TMEM39A: variants seen among roughly 807,000 people sequenced by gnomAD.
TMEM39A encodes suppressor of SQST-1 aggregates in rpl-43 mutants.
A neutral mutation model predicts 51.9 loss-of-function variants in TMEM39A; 19 were observed. The ratio of observed to expected loss-of-function variants is 0.37; its 90% CI spans 0.26 to 0.54. The LOEUF is 0.54. Among genes scored for constraint, TMEM39A ranks in the 20% least tolerant of loss-of-function variants. TMEM39A has a pLI of 0.88. For missense variants in TMEM39A, 433 were observed against 590.5 expected (o/e 0.73, Z 2.76); for synonymous variants, 197 against 220.2 (o/e 0.89, Z 0.93).
chr3:119,437,108 G>A (rs2080980095), intron 6 of TMEM39A, 130 bp from the exon 7 acceptor site: 8 of 758,234 alleles, frequency 1.1e-5, no homozygotes, highest in Admixed American at 6.1e-5. Context: ...CCTGCTGTCC[G>A]TGCAGAAAAG....
intron 4 of TMEM39A, among the ~76,000 whole-genome samples, chr3:119,451,973 A>G (rs1188956259): frequency 6.6e-6 from 1 of 152,180 alleles, no homozygotes; most frequent in Non-Finnish European, 1.5e-5. Context: ...TCTTCAGATT[A>G]ATCCTATACG....
intron 5 of TMEM39A, among the ~76,000 whole-genome samples, chr3:119,439,829 G>A (rs1195926844): frequency 1.3e-5 from 2 of 151,834 alleles, no homozygotes; most frequent in African/African-American, 2.4e-5. Context: ...GTACAGTAGC[G>A]AGATTACGGC....
intron 5 of TMEM39A, among the ~76,000 whole-genome samples, chr3:119,443,067 A>T (rs2081076468): frequency 6.7e-6 from 1 of 149,498 alleles, no homozygotes; most frequent in African/African-American, 2.4e-5. Context: ...CTGTCTCAAA[A>T]AAAAAAAAAA....
chr3:119,435,426 A>ATC (rs2080955278), intron 7 of TMEM39A: 1 of 978,286 alleles, frequency 1.0e-6, no homozygotes, highest in Non-Finnish European at 1.2e-6. Context: ...ACAGCGATAC[A>ATC]TCTCACACAC....
chr3:119,431,951 C>A lies in TMEM39A; in HGVS notation c.*30G>T. On this transcript the variant is annotated 3_prime_UTR_variant, in exon 9 of 9. Transcript: ENST00000319172. ...ATAGAACGTATGAAAATATTTTTAT[C>A]TGAGTTCTCCCTCATTGTTGAGAGG... The A allele has an allele frequency of 7.2e-7, 1 of 1,394,610 alleles. No homozygotes were observed. The highest frequency in any genetic ancestry group is 1.5e-5 in the South Asian group (1 of 66,052). The allele number at this position is 1,394,610 out of a possible 1,614,324, so 86.4% of individuals were successfully genotyped here. A position where few individuals can be genotyped will look rare whatever the true frequency, so the allele number is the denominator to read the frequency against.
intron 7 of TMEM39A, chr3:119,435,532 A>C (rs1034458060): frequency 2.0e-6 from 2 of 985,064 alleles, no homozygotes; most frequent in African/African-American, 3.5e-5. Flanking sequence ...TCTTTCCAGC[A>C]TAATGGAGTT....
intron 5 of TMEM39A, among the ~76,000 whole-genome samples, chr3:119,443,162 G>T (rs1035712355): frequency 6.7e-6 from 1 of 150,220 alleles, no homozygotes; most frequent in Non-Finnish European, 1.5e-5. Flanking sequence ...TTATGGATAA[G>T]AAAGTTGTTT....
Position 119,447,164 on chromosome 3 carries a change from C to G in TMEM39A, c.429G>C (p.Lys143Asn), listed in dbSNP as rs2081138693. Reference sequence around the variant, plus strand: ...AGTGAATCATTGATGCTGCACCTGCCTTAGTAGCCTGAAAGTTTGGAAGCA... The same window carrying G: ...AGTGAATCATTGATGCTGCACCTGCGTTAGTAGCCTGAAAGTTTGGAAGCA... ...LVWALISEAT[K>N]AGAASMIHYM... Residue 143 changes from lysine (K) to asparagine (N), a missense_variant, in exon 5 of 9, where the codon AAG becomes AAC. Lys to Asn is a moderately conservative substitution (Grantham distance 94, BLOSUM62 0). Coordinates refer to ENST00000319172, the MANE Select transcript of TMEM39A (RefSeq NM_018266.3). 1.2e-6 allele frequency: 2 copies of G among 1,608,350 alleles called. No homozygotes were observed. Among genetic ancestry groups the G allele is most frequent in the African/African-American group, 2.7e-5 (2 of 74,642 alleles).
chr3:119,431,929 G>T lies in TMEM39A; in HGVS notation c.*52C>A. The T allele has an allele frequency of 1.7e-6, 2 of 1,181,976 alleles. No homozygotes were observed. Among genetic ancestry groups the T allele is most frequent in the African/African-American group, 1.6e-5 (1 of 63,886 alleles). 73.2% of individuals were successfully genotyped at this position (1,181,976 alleles called of 1,614,324 possible). A position where few individuals can be genotyped will look rare whatever the true frequency, so the allele number is the denominator to read the frequency against. On this transcript the variant is annotated 3_prime_UTR_variant, in exon 9 of 9. Coordinates refer to ENST00000319172, the MANE Select transcript of TMEM39A (RefSeq NM_018266.3). ...TTATAAAAATCACAAGAAAAAAATA[G>T]AACGTATGAAAATATTTTTATCTGA...
At chr3:119,452,633 T>C in intron 3 of TMEM39A, 103 bp from the exon 4 acceptor site, 1 of 808,544 alleles carries the variant, frequency 1.2e-6, no homozygotes, top group Non-Finnish European at 2.0e-6. Context: ...CTTCCTTAGA[T>C]CACCACACCC....
At chr3:119,439,656 T>C (rs2081024172) in intron 5 of TMEM39A, among the ~76,000 whole-genome samples, 1 of 152,130 alleles carries the variant, frequency 6.6e-6, no homozygotes, top group Non-Finnish European at 1.5e-5. Context: ...CATAGTTTTC[T>C]ACAGAGGGAG....
intron 5 of TMEM39A, among the ~76,000 whole-genome samples, chr3:119,439,972 T>C (rs1214441074): frequency 2.0e-5 from 3 of 152,192 alleles, no homozygotes; most frequent in Non-Finnish European, 4.4e-5. Flanking sequence ...CTCCCTATGT[T>C]GCTCAGGCTG....
intron 4 of TMEM39A, among the ~76,000 whole-genome samples, chr3:119,447,718 G>A (rs370527057): frequency 1.5e-4 from 23 of 152,102 alleles, no homozygotes; most frequent in East Asian, 7.7e-4. Context: ...TCTGCCTCCT[G>A]GGTTCAAGCG....
chr3:119,445,819 G>A (rs1318815811), intron 5 of TMEM39A, among the ~76,000 whole-genome samples: 2 of 152,226 alleles, frequency 1.3e-5, no homozygotes, highest in Non-Finnish European at 2.9e-5. Context: ...ACTGGTGATA[G>A]CTGTAAAATT....
Position 119,434,772 on chromosome 3 carries a change from G to A in TMEM39A, c.1223C>T (p.Ala408Val), listed in dbSNP as rs1282089676. ...NVAVPSDVSH[A>V]RFYFLFHRPL... The stretch of plus-strand genomic sequence containing the variant: ...ATAAGCGGTACTTGCATAAAAGCGG[G>A]CATGAGATACATCTGAAGGCACTGC... The change falls in exon 8 of 9, where the codon GCC becomes GTC. Residue 408 changes from alanine (A) to valine (V), a missense_variant. This residue lies in a region of TMEM39A where 223 missense variants were observed against 328.1 expected (regional missense o/e 0.68). Transcript: ENST00000319172. 6.2e-7 allele frequency: 1 copy of A among 1,613,546 alleles called. No homozygotes were observed. The highest frequency in any genetic ancestry group is 1.7e-5 in the Admixed American group (1 of 59,998).
At chr3:119,437,088 C>T in intron 6 of TMEM39A, 110 bp from the exon 7 acceptor site, 1 of 955,182 alleles carries the variant, frequency 1.0e-6, no homozygotes, top group East Asian at 2.6e-5. Context: ...GTCACACATG[C>T]ACTGGTGGTC....
chr3:119,462,504 T>C (rs946698400), intron 1 of TMEM39A, among the ~76,000 whole-genome samples: 2 of 152,060 alleles, frequency 1.3e-5, no homozygotes, highest in Non-Finnish European at 2.9e-5. Context: ...TATAGAAGAA[T>C]TGGCACTTTA....
chr3:119,455,551 T>C (rs1161419818), intron 3 of TMEM39A, among the ~76,000 whole-genome samples: 1 of 152,206 alleles, frequency 6.6e-6, no homozygotes, highest in African/African-American at 2.4e-5. Context: ...AGGCATCATA[T>C]AAAACTTGAA....
intron 3 of TMEM39A, among the ~76,000 whole-genome samples, chr3:119,455,115 G>A (rs1341133549): frequency 6.6e-6 from 1 of 152,172 alleles, no homozygotes; most frequent in Non-Finnish European, 1.5e-5. Context: ...AAATTATTAT[G>A]AGTATCTGAC....
Sources: gnomAD v4.1 joint callset for allele counts (sites outside exome capture counted in the v4.1 genomes callset) on GRCh38, gnomAD v4.1.1 for gene constraint, gnomAD v4.1.1 regional missense constraint, MANE v1.5 for transcripts, NCBI Gene and HGNC (gene_info 2026-07-23, HGNC 2026-07-21) for gene names.